RYR3: variants seen among roughly 807,000 people sequenced by gnomAD.
RYR3 encodes the protein ryanodine receptor 3, also known as brain ryanodine receptor-calcium release channel.
Under a neutral mutation model 584.3 loss-of-function variants are expected in RYR3, and 207 were observed. The ratio of observed to expected loss-of-function variants is 0.35; its 90% CI spans 0.32 to 0.40. The LOEUF is 0.40. RYR3 is among the 10% of genes least tolerant of loss of function. RYR3 has a pLI of 1.00. For missense variants in RYR3, 5,616 were observed against 6,089.2 expected (o/e 0.92, Z 2.59); for synonymous variants, 2,416 against 2,248.5 (o/e 1.07, Z -2.11).
At chr15:33,312,938 G>A (rs1020440732) in intron 1 of RYR3, among the ~76,000 whole-genome samples, 3 of 152,146 alleles carry the variant, frequency 2.0e-5, no homozygotes, top group Non-Finnish European at 4.4e-5. Context: ...TGTGTCCTGG[G>A]CTTCCTGCCC....
chr15:33,722,943 T>C lies in RYR3; in HGVS notation c.6800+48T>C, dbSNP rs771389234. The C allele has an allele frequency of 3.4e-6, 5 of 1,460,402 alleles. No individual in the cohort carries two copies. In the African/African-American group the frequency reaches 7.1e-5, roughly 21 times the overall value. 90.5% of individuals were successfully genotyped at this position (1,460,402 alleles called of 1,614,324 possible). On this transcript the variant is annotated intron_variant, in intron 44 of 103. Transcript: ENST00000634891. ...CGGCACAGATACGGTTGGTGAGCTC[T>C]CAGATATTATTGGTATACGGATGAT...
Position 33,724,854 on chromosome 15 carries a change from T to A in RYR3, c.6912+678T>A, listed in dbSNP as rs559339230. Among the ~76,000 whole-genome samples, 25 of 152,168 alleles carry A rather than the reference T, an allele frequency of 1.6e-4. 1 individual carries two copies. Among genetic ancestry groups the A allele is most frequent in the Admixed American group, 1.6e-3 (25 of 15,290 alleles). On this transcript the variant is annotated intron_variant, in intron 45 of 103. Transcript: ENST00000634891. ...ATTCCTAGGATTCCAATTCCTACTATGATAAAGGACCCTTACCCACTTAGG... is the reference window on the plus strand; with the variant it reads ...ATTCCTAGGATTCCAATTCCTACTAAGATAAAGGACCCTTACCCACTTAGG...
At chr15:33,534,729 AAGG>A (rs983390784) in intron 5 of RYR3, among the ~76,000 whole-genome samples, 1 of 152,210 alleles carries the variant, frequency 6.6e-6, no homozygotes, top group Non-Finnish European at 1.5e-5. Context: ...TAGGAGTTGA[AAGG>A]AGGCACATTT....
At chr15:33,814,900 CAAAAAAAA>C (rs66623531) in intron 74 of RYR3, among the ~76,000 whole-genome samples, 2 of 91,816 alleles carry the variant, frequency 2.2e-5, no homozygotes, top group African/African-American at 8.7e-5. Context: ...GACTCTGTCT[CAAAAAAAA>C]AAAAAAAAAA....
At chr15:33,608,048 A>G (rs1277034655) in intron 18 of RYR3, among the ~76,000 whole-genome samples, 1 of 152,368 alleles carries the variant, frequency 6.6e-6, no homozygotes, top group East Asian at 1.9e-4. Context: ...CCCCTTGACC[A>G]CTACGATAAA....
At chr15:33,427,928 TGTGG>T (rs2044782739) in intron 1 of RYR3, among the ~76,000 whole-genome samples, 1 of 152,258 alleles carries the variant, frequency 6.6e-6, no homozygotes, top group Non-Finnish European at 1.5e-5. Flanking sequence ...GAAATGCTCA[TGTGG>T]GAACTACTAT....
At chr15:33,372,166 A>G (rs952758136) in intron 1 of RYR3, among the ~76,000 whole-genome samples, 2 of 152,128 alleles carry the variant, frequency 1.3e-5, no homozygotes, top group African/African-American at 4.8e-5. Context: ...ATAGATGAAG[A>G]AACAGGTTTT....
At chr15:33,812,467 A>G (rs2076603345) in intron 72 of RYR3, among the ~76,000 whole-genome samples, 1 of 152,208 alleles carries the variant, frequency 6.6e-6, no homozygotes, top group South Asian at 2.1e-4. Flanking sequence ...TTTAAAAAGA[A>G]GGGGAGATGG....
chr15:33,854,885 G>A lies in RYR3; in HGVS notation c.13980G>A (p.Leu4660=). The A allele has an allele frequency of 6.2e-7, 1 of 1,612,436 alleles. No homozygotes were observed. The highest frequency in any genetic ancestry group is 1.7e-5 in the Admixed American group (1 of 59,670). ...GCTTCAAGACACTGAGGACCATTCTGTCATCTGTAACTCACAATGGCAAAC... is the reference window on the plus strand; with the variant it reads ...GCTTCAAGACACTGAGGACCATTCTATCATCTGTAACTCACAATGGCAAAC... ...AMGFKTLRTI[L]SSVTHNGKQL... The change falls in exon 98 of 104, where the codon CTG becomes CTA. Residue 4660 remains leucine (L), a synonymous_variant. Coordinates refer to ENST00000634891, the MANE Select transcript of RYR3 (RefSeq NM_001036.6).
chr15:33,564,778 G>A (rs117871801), intron 11 of RYR3, among the ~76,000 whole-genome samples: 3 of 152,260 alleles, frequency 2.0e-5, no homozygotes, highest in South Asian at 4.1e-4. Context: ...ACCATAGCCC[G>A]CAGATTCATT....
chr15:33,813,743 C>G, intron 74 of RYR3, 164 bp downstream of exon 74: 1 of 578,706 alleles, frequency 1.7e-6, no homozygotes, highest in Non-Finnish European at 3.1e-6. Context: ...CTAAGACAAT[C>G]AAGGTAAGCA....
At chr15:33,795,858 A>G (rs761987299) in intron 67 of RYR3, among the ~76,000 whole-genome samples, 38 of 152,010 alleles carry the variant, frequency 2.5e-4, no homozygotes, top group Non-Finnish European at 3.7e-4. Flanking sequence ...CTAAAAGGCA[A>G]TCGGCTTCTT....
At chr15:33,392,424 GA>G (rs2042061698) in intron 1 of RYR3, among the ~76,000 whole-genome samples, 1 of 151,758 alleles carries the variant, frequency 6.6e-6, no homozygotes, top group Admixed American at 6.6e-5. Context: ...GTGAGGAAGA[GA>G]AGGGAAGGAA....
At chr15:33,786,766 G>A (rs1378024221) in intron 66 of RYR3, among the ~76,000 whole-genome samples, 1 of 152,140 alleles carries the variant, frequency 6.6e-6, no homozygotes, top group Non-Finnish European at 1.5e-5. Flanking sequence ...TAATCTCCTG[G>A]ACATGAAAAC....
intron 65 of RYR3, among the ~76,000 whole-genome samples, chr15:33,783,810 G>A (rs547837377): frequency 6.6e-6 from 1 of 152,288 alleles, no homozygotes; most frequent in East Asian, 1.9e-4. Flanking sequence ...CCATGATCTT[G>A]TTACCCATGG....
intron 36 of RYR3, among the ~76,000 whole-genome samples, chr15:33,664,299 A>G (rs1404255653): frequency 2.0e-5 from 3 of 152,034 alleles, no homozygotes; most frequent in Admixed American, 2.0e-4. Context: ...CATTCTTTAC[A>G]GTACCCACCT....
chr15:33,846,132 G>C (rs1365851821), intron 93 of RYR3, among the ~76,000 whole-genome samples: 2 of 152,196 alleles, frequency 1.3e-5, no homozygotes. Flanking sequence ...CCTTCTCCAC[G>C]TGGCCTTTCC....
intron 1 of RYR3, among the ~76,000 whole-genome samples, chr15:33,373,964 AAAAG>A (rs1248019758): frequency 2.0e-5 from 3 of 152,242 alleles, no homozygotes; most frequent in African/African-American, 7.2e-5. Context: ...ATAATTAAGA[AAAAG>A]AAATCTTATT....
In RYR3 at chr15:33,634,714, G is replaced by A; in HGVS notation, c.3156G>A (p.Glu1052=). ...RTFVGYGYNI[E]PSDQELADSA... ...TTGTTGGTTACGGGTATAACATTGA[G>A]CCATCAGACCAAGAACTAGGTAATG... The change falls in exon 25 of 104, where the codon GAG becomes GAA. Residue 1052 remains glutamate (E), a synonymous_variant. Transcript: ENST00000634891. The A allele has an allele frequency of 6.2e-7, 1 of 1,613,962 alleles. No homozygotes were observed. Among genetic ancestry groups the A allele is most frequent in the South Asian group, 1.1e-5 (1 of 91,078 alleles).
Sources: gnomAD v4.1 joint callset for allele counts (sites outside exome capture counted in the v4.1 genomes callset) on GRCh38, gnomAD v4.1.1 for gene constraint, MANE v1.5 for transcripts, NCBI Gene and HGNC (gene_info 2026-07-23, HGNC 2026-07-21) for gene names.